The following LRMDA variants were observed in gnomAD, a reference collection of about 807,000 sequenced individuals.
LRMDA encodes the protein leucine rich melanocyte differentiation associated.
In LRMDA, 18 loss-of-function variants were observed where a neutral mutation model predicts 29.8. The observed-to-expected ratio is 0.60, with a 90% CI of 0.42 to 0.90. The LOEUF is 0.90. LRMDA is among the 40% of genes least tolerant of loss of function. The pLI is 0.00. For missense variants in LRMDA, 273 were observed against 273.9 expected (o/e 1.00, Z 0.02); for synonymous variants, 125 against 109.4 (o/e 1.14, Z -0.89).
intron 6 of LRMDA, among the ~76,000 whole-genome samples, chr10:76,504,028 C>G (rs968783169): frequency 6.6e-6 from 1 of 151,402 alleles, no homozygotes; most frequent in Non-Finnish European, 1.5e-5. Context: ...TAAGTTGTGT[C>G]TATATTTTCA....
intron 2 of LRMDA, among the ~76,000 whole-genome samples, chr10:75,998,349 CCTAATAAGTAA>C (rs1847507524): frequency 6.6e-6 from 1 of 152,162 alleles, no homozygotes; most frequent in Non-Finnish European, 1.5e-5. Context: ...GCAGTGGGCA[CCTAATAAGTAA>C]TCGATGGTGT....
At chr10:75,966,848 G>A (rs1846869247) in intron 2 of LRMDA, among the ~76,000 whole-genome samples, 1 of 152,214 alleles carries the variant, frequency 6.6e-6, no homozygotes, top group Non-Finnish European at 1.5e-5. Context: ...ATAATGCCCT[G>A]CGAGGCTATT....
At chr10:75,478,855 C>T (rs1844825313) in intron 2 of LRMDA, among the ~76,000 whole-genome samples, 1 of 152,158 alleles carries the variant, frequency 6.6e-6, no homozygotes, top group South Asian at 2.1e-4. Context: ...TGTCTCAATG[C>T]CTGACTTCAG....
Position 76,207,269 on chromosome 10 carries a change from C to T in LRMDA, c.517-117132C>T, listed in dbSNP as rs148486677. 8.4e-3 allele frequency among the ~76,000 whole-genome samples: 1,280 copies of T among 152,254 alleles called. 23 individuals carry two copies. Among genetic ancestry groups the T allele is most frequent in the African/African-American group, 0.029 (1,212 of 41,542 alleles). On this transcript the variant is annotated intron_variant, in intron 5 of 6. Coordinates refer to ENST00000611255, the MANE Select transcript of LRMDA (RefSeq NM_001305581.2). The stretch of plus-strand genomic sequence containing the variant: ...GGGGGAAGAGAATAATTACAAGTGA[C>T]CGCAGTAGATGCCTCTATCTGGTCG...
At chr10:76,097,300 C>T (rs189043052) in intron 5 of LRMDA, among the ~76,000 whole-genome samples, 27 of 152,294 alleles carry the variant, frequency 1.8e-4, no homozygotes, top group South Asian at 4.1e-4. Flanking sequence ...CGTGAGCCAC[C>T]GTGCCCGGCT....
In LRMDA at chr10:76,527,248, AGTT is replaced by A. The variant is rs371415993; in HGVS notation, c.602-29959_602-29957del. ...GTGCTGTCTTCTGAGGGCACTTAAC[AGTT>A]GGGTCTGCCTCTTTGATAATTAAGT... is the stretch of plus-strand genomic sequence containing the variant. On this transcript the variant is annotated intron_variant, in intron 6 of 6. Coordinates refer to ENST00000611255, the MANE Select transcript of LRMDA (RefSeq NM_001305581.2). Among the ~76,000 whole-genome samples, 44 of 152,206 alleles carry A rather than the reference AGTT, an allele frequency of 2.9e-4. 1 individual carries two copies. In the East Asian group the frequency reaches 8.4e-3, roughly 29 times the overall value.
chr10:75,463,778 C>T (rs2132039850), intron 2 of LRMDA, among the ~76,000 whole-genome samples: 2 of 152,288 alleles, frequency 1.3e-5, no homozygotes, highest in Admixed American at 6.5e-5. Context: ...AGCGAATCTC[C>T]TGCCTTAGCC....
chr10:76,171,184 G>A (rs918097314), intron 5 of LRMDA, among the ~76,000 whole-genome samples: 1 of 152,284 alleles, frequency 6.6e-6, no homozygotes, highest in Admixed American at 6.5e-5. Flanking sequence ...CTTATGCTAT[G>A]CCTACCCTTC....
At chr10:76,228,103 C>T (rs12775365) in intron 5 of LRMDA, among the ~76,000 whole-genome samples, 22,706 of 151,236 alleles carry the variant, frequency 0.15, 2,348 homozygotes, top group East Asian at 0.49. Flanking sequence ...CTCACTGCAA[C>T]GTCCGCCTCC....
Position 76,354,742 on chromosome 10 carries a change from C to T in LRMDA, c.601+30257C>T, listed in dbSNP as rs181944275. Among the ~76,000 whole-genome samples the T allele has an allele frequency of 1.6e-3, 249 of 152,190 alleles. 3 individuals are homozygous for T. The highest frequency in any genetic ancestry group is 4.7e-4 in the Non-Finnish European group (32 of 68,006). On this transcript the variant is annotated intron_variant, in intron 6 of 6. Coordinates refer to ENST00000611255, the MANE Select transcript of LRMDA (RefSeq NM_001305581.2). ...GCGGTGCATGTGGTATTTTGATACA[C>T]GCATATAATGTGTAATTATTAAACC...
chr10:76,321,624 TATA>T (rs1309316700), intron 5 of LRMDA, among the ~76,000 whole-genome samples: 5 of 152,128 alleles, frequency 3.3e-5, no homozygotes, highest in Admixed American at 6.6e-5. Flanking sequence ...AATGTAAAAC[TATA>T]ATTCCTTGCC....
At chr10:75,856,285 G>A (rs761551509) in intron 2 of LRMDA, among the ~76,000 whole-genome samples, 24 of 152,030 alleles carry the variant, frequency 1.6e-4, no homozygotes, top group African/African-American at 4.1e-4. Flanking sequence ...CTTCATGTCC[G>A]TTGTAAGTTG....
chr10:76,237,504 T>TA, intron 5 of LRMDA, among the ~76,000 whole-genome samples: 1 of 152,306 alleles, frequency 6.6e-6, no homozygotes, highest in African/African-American at 2.4e-5. Context: ...AAGGAAAACT[T>TA]AAAATACTGT....
chr10:75,712,367 A>T (rs891980703), intron 2 of LRMDA, among the ~76,000 whole-genome samples: 10 of 148,262 alleles, frequency 6.7e-5, no homozygotes, highest in African/African-American at 2.4e-4. Context: ...ATAGAAAACG[A>T]CACGTGGCCG....
intron 2 of LRMDA, among the ~76,000 whole-genome samples, chr10:75,787,340 C>T (rs1431463932): frequency 6.6e-6 from 1 of 152,152 alleles, no homozygotes; most frequent in Admixed American, 6.5e-5. Flanking sequence ...GGCGGCATAG[C>T]CTGTGCTTTC....
intron 6 of LRMDA, among the ~76,000 whole-genome samples, chr10:76,332,555 G>T (rs1044865816): frequency 3.3e-5 from 5 of 152,084 alleles, no homozygotes; most frequent in Non-Finnish European, 7.4e-5. Flanking sequence ...TAAAATGAGA[G>T]GTCAGAATGA....
At chr10:75,591,235 C>A (rs1227268227) in intron 2 of LRMDA, among the ~76,000 whole-genome samples, 1 of 152,110 alleles carries the variant, frequency 6.6e-6, no homozygotes, top group Non-Finnish European at 1.5e-5. Flanking sequence ...GACTGCCCCC[C>A]CACCCCATAA....
At chr10:76,341,841 C>A (rs1460000838) in intron 6 of LRMDA, among the ~76,000 whole-genome samples, 1 of 152,072 alleles carries the variant, frequency 6.6e-6, no homozygotes, top group Non-Finnish European at 1.5e-5. Flanking sequence ...GTGAGAGTCC[C>A]AAGAGACAGG....
intron 5 of LRMDA, among the ~76,000 whole-genome samples, chr10:76,250,607 G>T (rs1036784385): frequency 6.6e-6 from 1 of 152,212 alleles, no homozygotes; most frequent in Non-Finnish European, 1.5e-5. Context: ...AAGCAGGACT[G>T]AGGTCACATT....
Sources: gnomAD v4.1 joint callset for allele counts (sites outside exome capture counted in the v4.1 genomes callset) on GRCh38, gnomAD v4.1.1 for gene constraint, MANE v1.5 for transcripts, NCBI Gene and HGNC (gene_info 2026-07-23, HGNC 2026-07-21) for gene names.